INTS6: variants seen among roughly 807,000 people sequenced by gnomAD.
INTS6 encodes DEAD box protein.
In INTS6, 16 loss-of-function variants were observed where a neutral mutation model predicts 104.9. The observed-to-expected ratio is 0.15, with a 90% confidence interval of 0.10 to 0.23. INTS6 has a LOEUF of 0.23. Ranked by LOEUF, INTS6 falls within the 10% of genes least tolerant of loss-of-function variation. The pLI is 1.00. For synonymous variants in INTS6, 324 were observed against 358.7 expected (o/e 0.90, Z 1.09); for missense variants, 584 against 1,062.8 (o/e 0.55, Z 6.26).
chr13:51,374,098 C>T (rs1284411002), intron 15 of INTS6, 110 bp downstream of exon 15: 2 of 762,334 alleles, frequency 2.6e-6, no homozygotes, highest in Non-Finnish European at 4.3e-6. Context: ...TACATTCATT[C>T]ACTCATTGTA....
chr13:51,386,171 C>T (rs1956138730), intron 7 of INTS6, among the ~76,000 whole-genome samples: 1 of 152,092 alleles, frequency 6.6e-6, no homozygotes, highest in African/African-American at 2.4e-5. Context: ...TGAAGTCCTA[C>T]CTACCCTCTA....
At chr13:51,344,110 A>G in the INTS6 span, 2 of 657,832 alleles carry the variant, frequency 3.0e-6, no homozygotes, top group Non-Finnish European at 2.7e-6. Flanking sequence ...GACTTTTTCA[A>G]ACTGGCTTTG....
At chr13:51,449,401 C>T (rs1952989063) in intron 3 of INTS6, 5 of 910,642 alleles carry the variant, frequency 5.5e-6, no homozygotes, top group Non-Finnish European at 6.6e-6. Flanking sequence ...GGGCAGATAT[C>T]AACTGGGAAA....
intron 6 of INTS6, among the ~76,000 whole-genome samples, chr13:51,388,155 T>C (rs540716240): frequency 2.0e-5 from 3 of 152,256 alleles, no homozygotes; most frequent in Admixed American, 2.0e-4. Context: ...TTAAAATAAA[T>C]ACACTGTAAC....
the INTS6 span, among the ~76,000 whole-genome samples, chr13:51,342,578 G>T: frequency 2.0e-5 from 3 of 152,098 alleles, no homozygotes; most frequent in Non-Finnish European, 4.4e-5. Flanking sequence ...CTAGGCTAGG[G>T]CAGAGAAAAG....
rs571823751 is a variant in INTS6 at position 51,414,737 on chromosome 13, A to G, written c.429+15557T>C. Among the ~76,000 whole-genome samples, 27 of 152,234 alleles carry G rather than the reference A, an allele frequency of 1.8e-4. 1 individual carries two copies. The South Asian group carries it at 4.8e-3, about 27-fold the overall frequency. On this transcript the variant is annotated intron_variant, in intron 4 of 17. Coordinates refer to ENST00000311234, the MANE Select transcript of INTS6 (RefSeq NM_012141.3). ...CAGCCGCAGGTCCTATTCATAACAT[A>G]ACAGACAATAACAAGAAAATATGTA...
At chr13:51,390,447 A>G (rs551021669) in intron 5 of INTS6, among the ~76,000 whole-genome samples, 1 of 152,056 alleles carries the variant, frequency 6.6e-6, no homozygotes, top group East Asian at 1.9e-4. Flanking sequence ...TTTATTACAT[A>G]TGAAATTTGA....
intron 4 of INTS6, among the ~76,000 whole-genome samples, chr13:51,403,576 C>T (rs1330982219): frequency 1.1e-4 from 3 of 27,000 alleles, no homozygotes; most frequent in African/African-American, 5.5e-4. Context: ...AGTGAGACTC[C>T]ATTTCAAAAA....
intron 4 of INTS6, among the ~76,000 whole-genome samples, chr13:51,425,112 T>C (rs915366642): frequency 6.6e-6 from 1 of 152,020 alleles, no homozygotes; most frequent in Non-Finnish European, 1.5e-5. Flanking sequence ...TTTTAATCAT[T>C]AAGAATTAAA....
intron 4 of INTS6, among the ~76,000 whole-genome samples, chr13:51,429,296 A>G (rs1467314502): frequency 1.3e-5 from 2 of 152,210 alleles, no homozygotes; most frequent in South Asian, 2.1e-4. Flanking sequence ...AAGCAAATGC[A>G]AACAATAAAG....
chr13:51,431,911 A>G (rs1566245211), intron 3 of INTS6, among the ~76,000 whole-genome samples: 1 of 152,042 alleles, frequency 6.6e-6, no homozygotes, highest in East Asian at 1.9e-4. Context: ...AAAAGAACTC[A>G]TTTTGGGGAA....
chr13:51,404,571 C>T (rs1056463363), intron 4 of INTS6, among the ~76,000 whole-genome samples: 5 of 152,286 alleles, frequency 3.3e-5, no homozygotes, highest in African/African-American at 1.2e-4. Context: ...ACAAACACTC[C>T]ATCCAGCTCA....
downstream of INTS6, chr13:51,361,541 G>A: frequency 1.7e-6 from 1 of 593,718 alleles, no homozygotes; most frequent in Non-Finnish European, 3.0e-6. Context: ...TGACGGGGAA[G>A]AAGAGATATC....
chr13:51,448,824 A>C (rs1371332021), intron 3 of INTS6: 4 of 152,208 alleles, frequency 2.6e-5, no homozygotes, highest in Non-Finnish European at 5.9e-5. Context: ...AGTACTGTGA[A>C]CACCACAGAT....
intron 3 of INTS6, chr13:51,436,867 G>A (rs951556991): frequency 4.6e-5 from 7 of 152,146 alleles, no homozygotes; most frequent in African/African-American, 1.7e-4. Context: ...CAGGCAAATA[G>A]TGTTTATGCT....
downstream of INTS6, among the ~76,000 whole-genome samples, chr13:51,349,092 G>T (rs1955381220): frequency 6.6e-6 from 1 of 152,192 alleles, no homozygotes; most frequent in African/African-American, 2.4e-5. Flanking sequence ...TTCTTTAAAT[G>T]ATGAGCTTCT....
chr13:51,413,624 C>G (rs1956730286), intron 4 of INTS6, among the ~76,000 whole-genome samples: 1 of 152,042 alleles, frequency 6.6e-6, no homozygotes, highest in African/African-American at 2.4e-5. Context: ...AAATATCTAC[C>G]TTAAAAGTGA....
chr13:51,421,749 G>C (rs927737534), intron 4 of INTS6, among the ~76,000 whole-genome samples: 2 of 152,058 alleles, frequency 1.3e-5, no homozygotes, highest in African/African-American at 4.8e-5. Flanking sequence ...ACATGGAGAA[G>C]CATGAAACAC....
At chr13:51,428,291 T>C (rs1379380276) in intron 4 of INTS6, among the ~76,000 whole-genome samples, 6 of 152,066 alleles carry the variant, frequency 3.9e-5, no homozygotes, top group Non-Finnish European at 4.4e-5. Flanking sequence ...GAAAAATTAA[T>C]TTGAGAGCTT....
Sources: gnomAD v4.1 joint callset for allele counts (sites outside exome capture counted in the v4.1 genomes callset) on GRCh38, gnomAD v4.1.1 for gene constraint, MANE v1.5 for transcripts, NCBI Gene and HGNC (gene_info 2026-07-23, HGNC 2026-07-21) for gene names.